STK36: variants seen among roughly 807,000 people sequenced by gnomAD.
STK36 encodes serine/threonine-protein kinase 36.
In STK36, 116 loss-of-function variants were observed where a neutral mutation model predicts 142.2. The observed-to-expected ratio is 0.82, with a 90% CI of 0.70 to 0.95. The LOEUF (loss-of-function observed/expected upper bound fraction) is 0.95, where lower values mean the gene tolerates loss of function less well. STK36 is among the 40% of genes least tolerant of loss of function. The pLI is 0.00. For synonymous variants in STK36, 619 were observed against 641.7 expected, an observed-to-expected ratio of 0.96 and a Z score of 0.53; for missense variants, 1,422 against 1,617.2, an observed-to-expected ratio of 0.88 and a Z score of 2.07.
In STK36 at chr2:218,688,877, G is replaced by T. The variant is rs747872056; in HGVS notation, c.1560+1G>T. 2 of 1,604,836 alleles carry T rather than the reference G, an allele frequency of 1.2e-6. No homozygotes were observed. Among genetic ancestry groups the T allele is most frequent in the South Asian group, 2.2e-5 (2 of 89,910 alleles). On this transcript the variant is annotated splice_donor_variant, in intron 12 of 26. Coordinates refer to ENST00000295709, the MANE Select transcript of STK36 (RefSeq NM_015690.5). LOFTEE classifies it high-confidence loss of function. ...TCAGGAGAGCAACAGCCTCCAGCAG[G>T]TAAGCACCAGGCCAGAAGCCTCTGA...
In STK36 at chr2:218,694,526, G is replaced by A. The variant is rs759111970; in HGVS notation, c.2402G>A (p.Ser801Asn). Residue 801 changes from serine (S) to asparagine (N), a missense_variant and splice_region_variant, in exon 21 of 27, where the codon AGT (serine) becomes AAT (asparagine). Ser to Asn is a conservative substitution (Grantham distance 46). Transcript: ENST00000295709. The surrounding 1 kb of genome is among the most constrained non-coding windows in gnomAD (Gnocchi z 4.4). ...TCTCCTCTTTTACCTCTCCCACAGA[G>A]TGCAGCAGCCTGTCTATTGGGACAG... ...FTHSHVVSLV[S>N]AAACLLGQLG... The A allele has an allele frequency of 1.2e-6, 2 of 1,614,044 alleles. No homozygotes were observed. The highest frequency in any genetic ancestry group is 1.1e-5 in the South Asian group (1 of 91,088).
Position 218,675,480 on chromosome 2 carries a change from AT to A in STK36, c.434+9del, listed in dbSNP as rs772167201. 4.5e-6 allele frequency: 7 copies of A among 1,553,136 alleles called. No homozygotes were observed. The Admixed American group carries it at 1.2e-4, about 27-fold the overall frequency. On this transcript the variant is annotated splice_region_variant and intron_variant, in intron 5 of 26. Coordinates refer to ENST00000295709, the MANE Select transcript of STK36 (RefSeq NM_015690.5). ...TCAAGCTCTGTGACTTTGGGTAAAG[AT>A]TCTGAGCATCCATCTAAGCTTCCAG...
chr2:218,692,164 G>C lies in STK36; in HGVS notation c.1786G>C (p.Ala596Pro). 6.2e-7 allele frequency: 1 copy of C among 1,614,184 alleles called. No individual in the cohort carries two copies. The highest frequency in any genetic ancestry group is 8.5e-7 in the Non-Finnish European group (1 of 1,180,034). Residue 596 changes from alanine to proline, a missense_variant, in exon 15 of 27, where the codon GCC (alanine) becomes CCC (proline). Coordinates refer to ENST00000295709, the MANE Select transcript of STK36 (RefSeq NM_015690.5). ...TTAGTGCTTTACTGTCCTGTGCGAA[G>C]CCATGGATGGGAACAGCCGGGCCAT... ...SLMCFTVLCE[A>P]MDGNSRAISK...
At chr2:218,677,631 G>C (rs1451697495) in intron 6 of STK36, among the ~76,000 whole-genome samples, 1 of 152,164 alleles carries the variant, frequency 6.6e-6, no homozygotes, top group South Asian at 2.1e-4. Flanking sequence ...CCACATTCTA[G>C]ATGTTATCTA....
Position 218,694,276 on chromosome 2 carries a change from A to C in STK36, c.2349A>C (p.Leu783=). Residue 783 remains leucine (L), a synonymous_variant, in exon 20 of 27, where the codon CTA becomes CTC. Coordinates refer to ENST00000295709, the MANE Select transcript of STK36 (RefSeq NM_015690.5). The surrounding 1 kb of genome is among the most constrained non-coding windows in gnomAD (Gnocchi z 4.4). ...CTCTTTATTCCAGAATGGAGAAGCT[A>C]GGCAGTGACGTTGCTACTCTCTTTA... is the stretch of plus-strand genomic sequence containing the variant. The part of the protein sequence containing the change: ...LQNLPCGMEK[L]GSDVATLFTH... 6.2e-7 allele frequency: 1 copy of C among 1,613,972 alleles called. No individual in the cohort carries two copies. Among genetic ancestry groups the C allele is most frequent in the Non-Finnish European group, 8.5e-7 (1 of 1,179,850 alleles).
intron 11 of STK36, among the ~76,000 whole-genome samples, chr2:218,687,658 G>A (rs1226020696): frequency 6.6e-6 from 1 of 152,170 alleles, no homozygotes; most frequent in African/African-American, 2.4e-5. Context: ...AATTCCAGCT[G>A]CACTACTCAT....
At chr2:218,693,654 G>T in intron 17 of STK36, 69 bp from the exon 18 acceptor site, 1 of 1,438,574 alleles carries the variant, frequency 7.0e-7, no homozygotes. Context: ...CGGTGTTTCC[G>T]CTGAGCCTTC....
rs1273434727 is a variant in STK36 at position 218,697,905 on chromosome 2, C to G, written c.2961C>G (p.Leu987=). The G allele has an allele frequency of 3.7e-6, 6 of 1,614,168 alleles. No individual in the cohort carries two copies. In the East Asian group the frequency reaches 6.7e-5, roughly 18 times the overall value. ...TCGTGGTGCTCTCTGTCTGCCAGCT[C>G]CTTTGCTTCCCCTTTGCGCTGGACA... ...LPVVVLSVCQ[L]LCFPFALDMD... is the part of the protein sequence containing the mutation. The change falls in exon 25 of 27, where the codon CTC becomes CTG. Residue 987 remains leucine, a synonymous_variant. Transcript: ENST00000295709.
rs1016730675 is a variant in STK36, at chr2:218,672,930, G to A, written c.84+17G>A. On this transcript the variant is annotated intron_variant, in intron 2 of 26. Coordinates refer to ENST00000295709, the MANE Select transcript of STK36 (RefSeq NM_015690.5). ...AGTGCTCAGGTGTTGCACAAAGAGG[G>A]ATACCTTTTGGGTGGGATTTGGTAC... 2.5e-6 allele frequency: 4 copies of A among 1,612,750 alleles called. No homozygotes were observed. The African/African-American group carries it at 5.3e-5, about 22-fold the overall frequency.
At chr2:218,692,499 T>G in intron 15 of STK36, 84 bp from the exon 16 acceptor site, 1 of 1,531,404 alleles carries the variant, frequency 6.5e-7, no homozygotes, top group Non-Finnish European at 8.7e-7. Context: ...TCCCTACTCC[T>G]GCTGCCATGT....
rs762469711 is a variant in STK36, at chr2:218,699,270, T to A, written c.3726T>A (p.Cys1242Ter). 3.7e-6 allele frequency: 6 copies of A among 1,614,036 alleles called. No homozygotes were observed. ...CCCAGCGGCTCCTAGAAATGGCATG[T>A]GGAGACCCCCAGCCAAATGTGAAGG... ...EVPQRLLEMA[C>*]GDPQPNVKEA... Residue 1242 changes from cysteine to a stop codon, truncating the protein, a stop_gained, in exon 26 of 27, where the codon TGT (cysteine) becomes TGA (stop). Coordinates refer to ENST00000295709, the MANE Select transcript of STK36 (RefSeq NM_015690.5). LOFTEE classifies it high-confidence loss of function.
intron 15 of STK36, 45 bp downstream of exon 15, chr2:218,692,338 A>G (rs760471282): frequency 3.1e-6 from 5 of 1,611,016 alleles, no homozygotes; most frequent in South Asian, 2.2e-5. Flanking sequence ...TACTTGTTGC[A>G]TAGGTCAGGC....
intron 7 of STK36, 38 bp from the exon 8 acceptor site, chr2:218,679,522 C>T: frequency 6.3e-7 from 1 of 1,598,136 alleles, no homozygotes; most frequent in South Asian, 1.1e-5. Context: ...GGACTATGGC[C>T]CCCATGATCA....
intron 5 of STK36, among the ~76,000 whole-genome samples, chr2:218,675,773 C>T (rs572146350): frequency 6.6e-6 from 1 of 152,086 alleles, no homozygotes; most frequent in African/African-American, 2.4e-5. Context: ...ATCTGCCCAC[C>T]TCGGCCTCCC....
At chr2:218,696,056 G>A (rs1283387677) in intron 21 of STK36, among the ~76,000 whole-genome samples, 5 of 150,712 alleles carry the variant, frequency 3.3e-5, no homozygotes, top group Non-Finnish European at 7.4e-5. Context: ...TAGAGACGGG[G>A]TTTCACAATG....
Position 218,685,150 on chromosome 2 carries a change from G to A in STK36, c.1302G>A (p.Leu434=), listed in dbSNP as rs1390856209. 6.2e-7 allele frequency: 1 copy of A among 1,614,034 alleles called. No homozygotes were observed. The highest frequency in any genetic ancestry group is 1.3e-5 in the African/African-American group (1 of 74,920). Residue 434 remains leucine (L), a synonymous_variant, in exon 11 of 27, where the codon CTG becomes CTA. Coordinates refer to ENST00000295709, the MANE Select transcript of STK36 (RefSeq NM_015690.5). ...LETTEPVPIQ[L]KAPLTLLCNP... ...CCACTGAGCCTGTGCCTATTCAACT[G>A]AAGGCTCCTCTCACCTTGCTGTGTA...
At chr2:218,673,183 G>A (rs1940068127) in intron 2 of STK36, 1 of 430,226 alleles carries the variant, frequency 2.3e-6, no homozygotes, top group Non-Finnish European at 4.2e-6. Flanking sequence ...AACAGCAACT[G>A]ATTGATGGAG....
In STK36 at chr2:218,689,925, T is replaced by C. The variant is rs1257605428; in HGVS notation, c.1627T>C (p.Phe543Leu). ...AVIQAYFACT[F>L]NLERSQTSDS... ...GATTCAGGCCTACTTTGCCTGTACCTTCAATCTGGAGAGGAGCCAGACAAG... is the reference window on the plus strand; with the variant it reads ...GATTCAGGCCTACTTTGCCTGTACCCTCAATCTGGAGAGGAGCCAGACAAG... Residue 543 changes from phenylalanine (F) to leucine (L), a missense_variant, in exon 13 of 27, where the codon TTC (phenylalanine) becomes CTC (leucine). Physicochemically the swap from Phe to Leu is conservative, Grantham distance 22 (BLOSUM62 0). This residue lies in a region of STK36 where 962 missense variants were observed against 1,167.5 expected (regional missense o/e 0.82). Coordinates refer to ENST00000295709, the MANE Select transcript of STK36 (RefSeq NM_015690.5). The C allele has an allele frequency of 6.2e-7, 1 of 1,601,738 alleles. No individual in the cohort carries two copies. The highest frequency in any genetic ancestry group is 8.5e-7 in the Non-Finnish European group (1 of 1,173,404).
chr2:218,675,257 A>C, intron 4 of STK36, 86 bp from the exon 5 acceptor site: 1 of 1,424,800 alleles, frequency 7.0e-7, no homozygotes, highest in Non-Finnish European at 9.6e-7. Context: ...AAAGATTAGC[A>C]GTAATATTAA....
Sources: allele counts gnomAD v4.1 joint callset (sites outside exome capture counted in the v4.1 genomes callset), GRCh38; gene constraint gnomAD v4.1.1; regional missense constraint gnomAD v4.1.1; non-coding constraint Gnocchi (gnomAD v3.1); transcripts MANE v1.5; gene names NCBI Gene and HGNC (gene_info 2026-07-23, HGNC 2026-07-21).